The following CASK variants were observed in gnomAD, a reference collection of about 807,000 sequenced individuals.
The protein encoded by CASK is peripheral plasma membrane protein CASK.
In CASK, 4 loss-of-function variants were observed where a neutral mutation model predicts 82.9. That is an observed-to-expected ratio of 0.05 (90% CI 0.02 to 0.11). The LOEUF (loss-of-function observed/expected upper bound fraction) is 0.11, where lower values mean the gene tolerates loss of function less well. Ranked by LOEUF, CASK falls within the 10% of genes least tolerant of loss-of-function variation. The probability of loss-of-function intolerance (pLI) is 1.00; values close to 1 mark genes in which losing one functional copy is unlikely to be tolerated. For missense variants in CASK, 358 were observed against 720.9 expected, an observed-to-expected ratio of 0.50 and a Z score of 5.76; for synonymous variants, 259 against 253.5, an observed-to-expected ratio of 1.02 and a Z score of -0.20.
At chrX:41,878,762 G>A (rs753120854) in intron 1 of CASK, among the ~76,000 whole-genome samples, 4 of 110,499 alleles carry the variant, frequency 3.6e-5, no homozygotes, top group African/African-American at 6.6e-5. Context: ...GGGAAAGGTC[G>A]GGGGCGTGAG....
chrX:41,651,376 TA>T lies in CASK; in HGVS notation c.831+9062del, dbSNP rs767558595. ...TATCTGGGAGGGCAAAACAAACAAA[TA>T]AAAAACAAAACAAAACAAAGAAAGT... On this transcript the variant is annotated intron_variant, in intron 8 of 26. Coordinates refer to ENST00000378163, the MANE Select transcript of CASK (RefSeq NM_001367721.1). Among the ~76,000 whole-genome samples the T allele has an allele frequency of 1.4e-3, 154 of 111,575 alleles. 2 individuals are homozygous for T. Among genetic ancestry groups the T allele is most frequent in the African/African-American group, 4.9e-3 (150 of 30,735 alleles).
At chrX:41,818,336 C>T (rs1247943751) in intron 2 of CASK, among the ~76,000 whole-genome samples, 2 of 111,064 alleles carry the variant, frequency 1.8e-5, no homozygotes, top group Non-Finnish European at 3.8e-5. Context: ...GGTGCAGTGG[C>T]TCACACTTGT....
chrX:41,675,414 T>A (rs1194808473), intron 5 of CASK, among the ~76,000 whole-genome samples: 5 of 112,218 alleles, frequency 4.5e-5, no homozygotes, highest in Non-Finnish European at 7.5e-5. Context: ...GACAAACCAA[T>A]ATGTAGGCAG....
At chrX:41,889,259 CCCA>C (rs748119948) in intron 1 of CASK, among the ~76,000 whole-genome samples, 10 of 110,629 alleles carry the variant, frequency 9.0e-5, no homozygotes, top group African/African-American at 3.3e-4. Context: ...AATTTACATT[CCCA>C]CCAACAGTGT....
intron 2 of CASK, among the ~76,000 whole-genome samples, chrX:41,841,297 C>T (rs906429858): frequency 5.4e-5 from 6 of 110,977 alleles, no homozygotes; most frequent in African/African-American, 2.0e-4. Context: ...TCCTAAAAGC[C>T]AATGACACTG....
chrX:41,625,963 T>A (rs1361544309), intron 10 of CASK, among the ~76,000 whole-genome samples: 1 of 95,325 alleles, frequency 1.0e-5, no homozygotes, highest in Non-Finnish European at 2.1e-5. Context: ...TTTTTTTTTT[T>A]TTTTTGTATT....
At position 41,519,547 on chromosome X, in the gene CASK, GATT is replaced by G. The variant is rs1285174372; in HGVS notation, c.*870_*872del. 9.1e-6 allele frequency: 1 copy of G among 110,443 alleles called. No homozygotes were observed. The highest frequency in any genetic ancestry group is 1.9e-5 in the Non-Finnish European group (1 of 52,845). The allele number at this position is 110,443 out of a possible 1,213,427, so 9.1% of individuals were successfully genotyped here. A position where few individuals can be genotyped will look rare whatever the true frequency, so the allele number is the denominator to read the frequency against. On this transcript the variant is annotated 3_prime_UTR_variant, in exon 27 of 27. Coordinates refer to ENST00000378163, the MANE Select transcript of CASK (RefSeq NM_001367721.1). ...AAATTACAAACACATTTCACTACAT[GATT>G]ATTATTAATAAAAATCAGTTTCTTT...
At chrX:41,677,471 T>C (rs962601817) in intron 5 of CASK, among the ~76,000 whole-genome samples, 2 of 111,897 alleles carry the variant, frequency 1.8e-5, no homozygotes, top group Admixed American at 9.5e-5. Flanking sequence ...CAAGTAGGAA[T>C]GATTAGTAGT....
In CASK at chrX:41,752,972, C is replaced by G. The variant is rs775564056; in HGVS notation, c.279-7371G>C. On this transcript the variant is annotated intron_variant, in intron 3 of 26. Transcript: ENST00000378163. ...TCAAGTTTTAATGACAAGGGTTTATCACAGCTATTTATAATAGGGAGAAAT... is the reference window on the plus strand; with the variant it reads ...TCAAGTTTTAATGACAAGGGTTTATGACAGCTATTTATAATAGGGAGAAAT... Among the ~76,000 whole-genome samples, 8 of 111,966 alleles carry G rather than the reference C, an allele frequency of 7.1e-5. No individual in the cohort carries two copies. In the East Asian group the frequency reaches 1.9e-3, roughly 27 times the overall value.
At chrX:41,530,766 T>C (rs761071996) in intron 25 of CASK, among the ~76,000 whole-genome samples, 69 of 112,426 alleles carry the variant, frequency 6.1e-4, no homozygotes, top group Non-Finnish European at 1.1e-3. Flanking sequence ...CTTCTGCATA[T>C]AATAAACCTC....
At chrX:41,792,147 CT>C (rs892511887) in intron 2 of CASK, among the ~76,000 whole-genome samples, 1 of 111,591 alleles carries the variant, frequency 9.0e-6, no homozygotes, top group African/African-American at 3.3e-5. Flanking sequence ...TTCAAGTGGT[CT>C]GTTTTAAAAA....
At chrX:41,720,629 T>C (rs2068147727) in intron 5 of CASK, among the ~76,000 whole-genome samples, 1 of 111,694 alleles carries the variant, frequency 9.0e-6, no homozygotes, top group African/African-American at 3.3e-5. Context: ...TAAACACTAG[T>C]TTGGATAGCC....
At chrX:41,695,764 CTACCTGTCCCATGGAT>C (rs910712984) in intron 5 of CASK, 24 of 1,208,206 alleles carry the variant, frequency 2.0e-5, no homozygotes, top group Non-Finnish European at 2.7e-5. Context: ...CCAAATGTTA[CTACCTGTCCCATGGAT>C]GAAAAATTGC....
chrX:41,918,564 C>T (rs764351115), intron 1 of CASK, among the ~76,000 whole-genome samples: 61 of 112,222 alleles, frequency 5.4e-4, no homozygotes, highest in African/African-American at 1.8e-3. Flanking sequence ...GTCAGACAAT[C>T]GCCATGTTAG....
intron 2 of CASK, 66 bp downstream of exon 2, chrX:41,853,049 G>A: frequency 2.7e-6 from 2 of 751,545 alleles, no homozygotes. Flanking sequence ...GGTTAGGTTG[G>A]TAAATGGATT....
intron 5 of CASK, among the ~76,000 whole-genome samples, chrX:41,717,523 A>G (rs1417198262): frequency 8.9e-6 from 1 of 112,170 alleles, no homozygotes; most frequent in Non-Finnish European, 1.9e-5. Flanking sequence ...ATGGGTTATG[A>G]AATGAAAGAA....
At chrX:41,785,388 C>A (rs1399632425) in intron 3 of CASK, among the ~76,000 whole-genome samples, 1 of 112,063 alleles carries the variant, frequency 8.9e-6, no homozygotes, top group Non-Finnish European at 1.9e-5. Context: ...CCTTTCCATT[C>A]TGGTTATCCT....
chrX:41,525,649 T>C (rs2064701998), intron 25 of CASK, among the ~76,000 whole-genome samples: 1 of 111,371 alleles, frequency 9.0e-6, no homozygotes, highest in Admixed American at 9.6e-5. Flanking sequence ...AAACTGCCCT[T>C]ATGAAAAAAT....
At chrX:41,788,081 C>T (rs1189899973) in intron 2 of CASK, among the ~76,000 whole-genome samples, 2 of 102,804 alleles carry the variant, frequency 1.9e-5, no homozygotes, top group African/African-American at 7.2e-5. Context: ...CACTTGAACT[C>T]GGGAGGCAGA....
Sources: gnomAD v4.1 joint callset for allele counts (sites outside exome capture counted in the v4.1 genomes callset) on GRCh38, gnomAD v4.1.1 for gene constraint, MANE v1.5 for transcripts, NCBI Gene and HGNC (gene_info 2026-07-23, HGNC 2026-07-21) for gene names.